ME1: variants seen among roughly 807,000 people sequenced by gnomAD.
The protein encoded by ME1 is malic enzyme 1.
ME1 carries 74 observed loss-of-function variants against 66.4 expected under a neutral mutation model. The observed-to-expected ratio is 1.11, with a 90% CI of 0.92 to 1.35. The LOEUF is 1.35. Among genes scored for constraint, ME1 ranks in the 40% most tolerant of loss-of-function variants. ME1 has a pLI of 0.00. For missense variants in ME1, 750 were observed against 694.1 expected (o/e 1.08, Z -0.90); for synonymous variants, 251 against 235.6 (o/e 1.07, Z -0.60).
At chr6:83,219,699 G>T (rs573410968) in intron 12 of ME1, among the ~76,000 whole-genome samples, 1 of 151,538 alleles carries the variant, frequency 6.6e-6, no homozygotes, top group Non-Finnish European at 1.5e-5. Flanking sequence ...TCAGACTCCC[G>T]AGTAGCTGAG....
intron 3 of ME1, chr6:83,393,470 G>T: frequency 3.9e-6 from 2 of 507,784 alleles, no homozygotes; most frequent in Non-Finnish European, 7.1e-6. Flanking sequence ...CTCACTGCTG[G>T]AGAGTCCCTG....
intron 6 of ME1, among the ~76,000 whole-genome samples, chr6:83,283,319 G>A (rs1294285577): frequency 1.3e-5 from 2 of 150,922 alleles, no homozygotes; most frequent in East Asian, 1.9e-4. Flanking sequence ...ACTAACACAG[G>A]AACAGAAAAC....
intron 6 of ME1, among the ~76,000 whole-genome samples, chr6:83,260,674 C>T (rs1279710013): frequency 6.6e-6 from 1 of 152,152 alleles, no homozygotes; most frequent in Admixed American, 6.5e-5. Context: ...TTTTAACTCC[C>T]ACTTATAAGT....
chr6:83,257,848 G>C (rs905797524), intron 6 of ME1, among the ~76,000 whole-genome samples: 1 of 152,124 alleles, frequency 6.6e-6, no homozygotes, highest in East Asian at 1.9e-4. Flanking sequence ...TAAAGACTGT[G>C]AGCCTTTGGA....
chr6:83,320,867 T>C (rs1379838381), intron 5 of ME1, among the ~76,000 whole-genome samples: 1 of 152,160 alleles, frequency 6.6e-6, no homozygotes, highest in African/African-American at 2.4e-5. Flanking sequence ...CCAGGTAAGA[T>C]GACCAAATAG....
At chr6:83,290,981 C>T (rs1483293591) in intron 6 of ME1, among the ~76,000 whole-genome samples, 2 of 152,098 alleles carry the variant, frequency 1.3e-5, no homozygotes, top group African/African-American at 2.4e-5. Flanking sequence ...ATAGATCTTC[C>T]TCCATTCCTT....
At chr6:83,312,902 C>A (rs1008867207) in intron 6 of ME1, among the ~76,000 whole-genome samples, 3 of 152,132 alleles carry the variant, frequency 2.0e-5, no homozygotes, top group Non-Finnish European at 4.4e-5. Context: ...TACAGGCATA[C>A]GCCACCATGC....
At chr6:83,361,176 T>C (rs1769001023) in intron 3 of ME1, among the ~76,000 whole-genome samples, 1 of 152,208 alleles carries the variant, frequency 6.6e-6, no homozygotes, top group African/African-American at 2.4e-5. Context: ...TGGTGAGACA[T>C]TTGCGTGCCA....
At chr6:83,213,921 T>C (rs1789945904) in intron 13 of ME1, among the ~76,000 whole-genome samples, 1 of 152,078 alleles carries the variant, frequency 6.6e-6, no homozygotes, top group Non-Finnish European at 1.5e-5. Flanking sequence ...AAAAAAATAA[T>C]ACTTATATTA....
intron 3 of ME1, among the ~76,000 whole-genome samples, chr6:83,370,772 A>C (rs1248898522): frequency 2.0e-5 from 3 of 152,132 alleles, no homozygotes; most frequent in Non-Finnish European, 4.4e-5. Context: ...AAATATTTCC[A>C]TTACTTAATG....
At chr6:83,398,595 C>T in intron 2 of ME1, 79 bp from the exon 3 acceptor site, 1 of 721,338 alleles carries the variant, frequency 1.4e-6, no homozygotes, top group Non-Finnish European at 2.3e-6. Flanking sequence ...TAAATATTTT[C>T]AACCAAGTAT....
chr6:83,429,944 G>A (rs184942794), intron 1 of ME1, among the ~76,000 whole-genome samples: 76 of 152,138 alleles, frequency 5.0e-4, no homozygotes, highest in African/African-American at 1.6e-3. Flanking sequence ...CACACAAAAG[G>A]AACAATCCCG....
chr6:83,332,319 A>G (rs1424454602), intron 5 of ME1, among the ~76,000 whole-genome samples: 5 of 152,248 alleles, frequency 3.3e-5, no homozygotes, highest in Non-Finnish European at 7.3e-5. Flanking sequence ...AATGTAAATT[A>G]GTATATCATC....
rs144442135 is a variant in ME1, at chr6:83,289,401, A to G, written c.704+25909T>C. On this transcript the variant is annotated intron_variant, in intron 6 of 13. Coordinates refer to ENST00000369705, the MANE Select transcript of ME1 (RefSeq NM_002395.6). ...TTGAAGGCCTTTTCTGCATCTATTG[A>G]GATAATCATGTGGTTTTTGTCATTG... Among the ~76,000 whole-genome samples, 1,050 of 152,278 alleles carry G rather than the reference A, an allele frequency of 6.9e-3. 9 individuals are homozygous for G. Among genetic ancestry groups the G allele is most frequent in the Non-Finnish European group, 0.01 (710 of 68,026 alleles).
At chr6:83,226,283 TTTTG>T (rs1790197663) in intron 11 of ME1, among the ~76,000 whole-genome samples, 1 of 152,210 alleles carries the variant, frequency 6.6e-6, no homozygotes, top group African/African-American at 2.4e-5. Context: ...ATTTGGCTAA[TTTTG>T]TTTATGTGTG....
At chr6:83,234,871 A>G (rs1790369142) in intron 9 of ME1, among the ~76,000 whole-genome samples, 1 of 152,028 alleles carries the variant, frequency 6.6e-6, no homozygotes, top group African/African-American at 2.4e-5. Flanking sequence ...ATACCAAAAT[A>G]TTTTATTTTG....
At chr6:83,271,939 T>C (rs564560049) in intron 6 of ME1, among the ~76,000 whole-genome samples, 21 of 152,286 alleles carry the variant, frequency 1.4e-4, no homozygotes, top group Admixed American at 9.2e-4. Flanking sequence ...AGGCATGCAA[T>C]GCATAATAAT....
intron 3 of ME1, among the ~76,000 whole-genome samples, chr6:83,367,751 TGATCTTC>T: frequency 6.6e-6 from 1 of 152,362 alleles, no homozygotes; most frequent in Non-Finnish European, 1.5e-5. Context: ...GTGGCTGGTT[TGATCTTC>T]TATCCAGACC....
At chr6:83,327,778 C>T (rs1768329798) in intron 5 of ME1, among the ~76,000 whole-genome samples, 1 of 152,118 alleles carries the variant, frequency 6.6e-6, no homozygotes, top group African/African-American at 2.4e-5. Context: ...TACTCCCTCC[C>T]CTTTTGAAAA....
Sources: allele counts gnomAD v4.1 joint callset (sites outside exome capture counted in the v4.1 genomes callset), GRCh38; gene constraint gnomAD v4.1.1; transcripts MANE v1.5; gene names NCBI Gene and HGNC (gene_info 2026-07-23, HGNC 2026-07-21).